The following AKAP13 variants were observed in gnomAD, a reference collection of about 807,000 sequenced individuals.
AKAP13 encodes A-kinase anchoring protein 13.
In AKAP13, 80 loss-of-function variants were observed where a neutral mutation model predicts 264.5. The observed-to-expected ratio is 0.30, with a 90% confidence interval of 0.25 to 0.36. The LOEUF (loss-of-function observed/expected upper bound fraction) is 0.36. Ranked by LOEUF, AKAP13 falls within the 10% of genes least tolerant of loss-of-function variation. The probability of loss-of-function intolerance (pLI) is 1.00; values close to 1 mark genes in which losing one functional copy is unlikely to be tolerated. For synonymous variants in AKAP13, 1,380 were observed against 1,250.2 expected (o/e 1.10, Z -2.19); for missense variants, 3,712 against 3,435.2 (o/e 1.08, Z -2.01).
chr15:85,450,391 CTCT>C (rs938440858), intron 1 of AKAP13, among the ~76,000 whole-genome samples: 3 of 150,714 alleles, frequency 2.0e-5, no homozygotes, highest in South Asian at 2.1e-4. Flanking sequence ...TTTGTTATTT[CTCT>C]TCTTCTGCTA....
chr15:85,508,571 C>A (rs1220867273), intron 2 of AKAP13, among the ~76,000 whole-genome samples: 1 of 152,092 alleles, frequency 6.6e-6, no homozygotes, highest in Non-Finnish European at 1.5e-5. Context: ...TTGATAGCTT[C>A]CTAAGTGGTC....
rs1429922512 is a variant in AKAP13, at chr15:85,497,438, A to G, written c.33+11685A>G. 2.6e-5 allele frequency among the ~76,000 whole-genome samples: 4 copies of G among 152,302 alleles called. No homozygotes were observed. In the South Asian group the frequency reaches 6.2e-4, roughly 24 times the overall value. On this transcript the variant is annotated intron_variant, in intron 2 of 36. Coordinates refer to ENST00000394518, the MANE Select transcript of AKAP13 (RefSeq NM_007200.5). ...AGCTTTCAGAAAAGGTGGGGGCTCT[A>G]CCAGCCTGGATAGATAGGCTGTGGA...
chr15:85,694,442 A>G (rs2085458477), intron 17 of AKAP13, among the ~76,000 whole-genome samples: 1 of 152,264 alleles, frequency 6.6e-6, no homozygotes, highest in Non-Finnish European at 1.5e-5. Context: ...ACATAAACCA[A>G]TGAGTGTGAT....
intron 2 of AKAP13, among the ~76,000 whole-genome samples, chr15:85,491,514 TTA>T (rs368110090): frequency 5.6e-5 from 5 of 88,834 alleles, no homozygotes; most frequent in Non-Finnish European, 1.4e-4. Flanking sequence ...ATATTATATA[TTA>T]TATATATTAT....
chr15:85,523,619 G>T (rs956542871), intron 3 of AKAP13, among the ~76,000 whole-genome samples: 1 of 152,046 alleles, frequency 6.6e-6, no homozygotes, highest in Non-Finnish European at 1.5e-5. Context: ...CAACTAAAGT[G>T]TCAGCTTTAT....
intron 17 of AKAP13, among the ~76,000 whole-genome samples, chr15:85,700,500 C>T (rs1304259296): frequency 2.0e-5 from 3 of 152,138 alleles, no homozygotes; most frequent in Non-Finnish European, 4.4e-5. Context: ...CGTGGAGAAT[C>T]ACTTGTGTAG....
intron 5 of AKAP13, among the ~76,000 whole-genome samples, chr15:85,560,204 C>A (rs1028158198): frequency 1.3e-5 from 2 of 150,024 alleles, no homozygotes; most frequent in African/African-American, 4.9e-5. Context: ...GCTGGTCTGT[C>A]ACTCAGTCTA....
intron 2 of AKAP13, among the ~76,000 whole-genome samples, chr15:85,508,149 T>A: frequency 6.6e-6 from 1 of 151,764 alleles, no homozygotes; most frequent in East Asian, 1.9e-4. Flanking sequence ...GTAATTTTTT[T>A]TTTTTTTTTT....
At chr15:85,583,716 A>C (rs1259848901) in intron 7 of AKAP13, among the ~76,000 whole-genome samples, 1 of 152,158 alleles carries the variant, frequency 6.6e-6, no homozygotes, top group East Asian at 1.9e-4. Flanking sequence ...CTCTGTGGGG[A>C]TTGTGTCTGT....
intron 16 of AKAP13, chr15:85,691,878 C>G: frequency 2.0e-6 from 1 of 489,898 alleles, no homozygotes. Context: ...GAGAGCACGG[C>G]GTAGGAAGCT....
chr15:85,708,027 G>A lies in AKAP13; in HGVS notation c.5473G>A (p.Ala1825Thr). Residue 1825 changes from alanine (A) to threonine (T), a missense_variant, in exon 18 of 37, where the codon GCT (alanine) becomes ACT (threonine). This residue lies in a region of AKAP13 where 2,759 missense variants were observed against 2,411.7 expected (regional missense o/e 1.14). Coordinates refer to ENST00000394518, the MANE Select transcript of AKAP13 (RefSeq NM_007200.5). This position sits in a 1 kb window ranked among gnomAD's most constrained non-coding sequence, Gnocchi z 4.3. Reference protein sequence around the residue: ...KDAYTCANCSAFVHKGCRESL... With the variant: ...KDAYTCANCSTFVHKGCRESL... The stretch of plus-strand genomic sequence containing the variant: ...GTTTGCTTTCTTTTCAGATTGCAGT[G>A]CTTTTGTCCACAAAGGCTGCCGAGA... 2 of 1,613,874 alleles carry A rather than the reference G, an allele frequency of 1.2e-6. No homozygotes were observed. The highest frequency in any genetic ancestry group is 1.7e-6 in the Non-Finnish European group (2 of 1,179,820).
intron 3 of AKAP13, among the ~76,000 whole-genome samples, chr15:85,524,886 TG>T (rs2076968813): frequency 6.6e-6 from 1 of 151,146 alleles, no homozygotes; most frequent in African/African-American, 2.4e-5. Context: ...TGTGTGTGTG[TG>T]TGTGTGTGTG....
chr15:85,618,830 C>T (rs1402928918), intron 8 of AKAP13, among the ~76,000 whole-genome samples: 1 of 152,182 alleles, frequency 6.6e-6, no homozygotes, highest in Non-Finnish European at 1.5e-5. Context: ...TCCATCATCC[C>T]TTCTCCCTCC....
intron 1 of AKAP13, among the ~76,000 whole-genome samples, chr15:85,383,496 C>T (rs572324648): frequency 6.6e-6 from 1 of 152,324 alleles, no homozygotes; most frequent in East Asian, 1.9e-4. Context: ...TACATTTTTA[C>T]ATGACTTAAG....
intron 2 of AKAP13, among the ~76,000 whole-genome samples, chr15:85,505,575 T>C (rs755987147): frequency 2.0e-5 from 3 of 152,202 alleles, no homozygotes; most frequent in Non-Finnish European, 4.4e-5. Flanking sequence ...ATAAAATTCT[T>C]TAATATTTTC....
At chr15:85,691,791 T>C in intron 16 of AKAP13, 3 of 469,096 alleles carry the variant, frequency 6.4e-6, no homozygotes, top group South Asian at 4.6e-5. Context: ...AAGCACAAGA[T>C]GAGTATCAGT....
intron 1 of AKAP13, among the ~76,000 whole-genome samples, chr15:85,469,346 T>G (rs1232420121): frequency 2.0e-5 from 3 of 151,952 alleles, no homozygotes; most frequent in Admixed American, 2.0e-4. Flanking sequence ...AGACCTGAGG[T>G]TAGGGCTGTA....
chr15:85,513,803 C>A lies in AKAP13; in HGVS notation c.34-7625C>A, dbSNP rs990597146. The stretch of plus-strand genomic sequence containing the variant: ...TTTCCGATTTTGAAGAATACAGTGC[C>A]CTCTCCTCTTGCTTAATAGACTGTT... On this transcript the variant is annotated intron_variant, in intron 2 of 36. Transcript: ENST00000394518. 9.1e-5 allele frequency among the ~76,000 whole-genome samples: 8 copies of A among 88,342 alleles called. 1 individual carries two copies. The highest frequency in any genetic ancestry group is 2.3e-4 in the Admixed American group (2 of 8,772). The allele number at this position is 88,342 out of a possible 152,430, so 58.0% of individuals were successfully genotyped here. A position where few individuals can be genotyped will look rare whatever the true frequency, so the allele number is the denominator to read the frequency against.
At chr15:85,526,853 T>C (rs976941031) in intron 3 of AKAP13, among the ~76,000 whole-genome samples, 1 of 152,174 alleles carries the variant, frequency 6.6e-6, no homozygotes, top group Non-Finnish European at 1.5e-5. Context: ...CTTAAATTAC[T>C]GTCCTAATGC....
Sources: allele counts gnomAD v4.1 joint callset (sites outside exome capture counted in the v4.1 genomes callset), GRCh38; gene constraint gnomAD v4.1.1; regional missense constraint gnomAD v4.1.1; non-coding constraint Gnocchi (gnomAD v3.1); transcripts MANE v1.5; gene names NCBI Gene and HGNC (gene_info 2026-07-23, HGNC 2026-07-21).